TM7SF3: variants seen among roughly 807,000 people sequenced by gnomAD.
TM7SF3 encodes transmembrane 7 superfamily member 3, also known as seven span transmembrane protein.
A neutral mutation model predicts 65.5 loss-of-function variants in TM7SF3; 60 were observed. That is an observed-to-expected ratio of 0.92 (90% CI 0.74 to 1.14). TM7SF3 has a LOEUF of 1.14. Among genes scored for constraint, TM7SF3 ranks in the 50% most tolerant of loss-of-function variants. TM7SF3 has a pLI of 0.00. For missense variants in TM7SF3, 623 were observed against 684.8 expected (o/e 0.91, Z 1.01); for synonymous variants, 264 against 259.6 (o/e 1.02, Z -0.16).
rs1939474312 is a variant in TM7SF3, at chr12:26,974,191, AC to A, written c.1486del (p.Val496Ter). On this transcript the variant is annotated frameshift_variant, in exon 12 of 12. Transcript: ENST00000343028. LOFTEE classifies it high-confidence loss of function. The stretch of plus-strand genomic sequence containing the variant: ...TCGAATCTGTAACGTAATTCCACTT[AC>A]AGCCAGCATGCCCCATACTGCCAGG... ...IILAVWGMLA[V>X]SGITLQIRRE... is the part of the protein sequence containing the mutation. 1.2e-6 allele frequency: 2 copies of A among 1,614,196 alleles called. No homozygotes were observed. Among genetic ancestry groups the A allele is most frequent in the Non-Finnish European group, 1.7e-6 (2 of 1,180,028 alleles).
At chr12:26,985,998 G>GTT (rs55959497) in intron 6 of TM7SF3, among the ~76,000 whole-genome samples, 3,125 of 142,636 alleles carry the variant, frequency 0.022, 117 homozygotes, top group African/African-American at 0.075. Context: ...GTTTTGTATT[G>GTT]TTTTTTTTTT....
intron 10 of TM7SF3, 35 bp from the exon 11 acceptor site, chr12:26,975,693 T>C: frequency 6.2e-7 from 1 of 1,607,356 alleles, no homozygotes; most frequent in Non-Finnish European, 8.5e-7. Flanking sequence ...GCATCATCCA[T>C]GTTAGAACAA....
chr12:26,992,446 A>G (rs887777558), intron 5 of TM7SF3, among the ~76,000 whole-genome samples: 2 of 151,934 alleles, frequency 1.3e-5, no homozygotes, highest in African/African-American at 2.4e-5. Flanking sequence ...CACTACGCCC[A>G]GCTAATTTTT....
At chr12:26,983,470 G>T in intron 6 of TM7SF3, 1 of 405,898 alleles carries the variant, frequency 2.5e-6, no homozygotes, top group Non-Finnish European at 5.1e-6. Flanking sequence ...TTTTTTAAGT[G>T]CTTATCTTTA....
intron 3 of TM7SF3, among the ~76,000 whole-genome samples, chr12:26,998,417 T>C (rs1047590952): frequency 6.6e-6 from 1 of 152,088 alleles, no homozygotes; most frequent in Non-Finnish European, 1.5e-5. Flanking sequence ...TGCATTTCCA[T>C]CCAAATGTCC....
intron 6 of TM7SF3, among the ~76,000 whole-genome samples, chr12:26,989,220 G>T (rs1293677496): frequency 5.3e-5 from 8 of 151,866 alleles, no homozygotes; most frequent in African/African-American, 1.7e-4. Flanking sequence ...TGGATCACTT[G>T]AGGCCAGGAG....
At chr12:26,990,022 C>T (rs1420503945) in intron 6 of TM7SF3, among the ~76,000 whole-genome samples, 3 of 152,294 alleles carry the variant, frequency 2.0e-5, no homozygotes, top group Non-Finnish European at 4.4e-5. Context: ...CAGTTCTTCA[C>T]ACCCTCAGAC....
chr12:26,992,905 C>CTT (rs1202323508), intron 5 of TM7SF3, among the ~76,000 whole-genome samples: 7,519 of 109,914 alleles, frequency 0.068, 464 homozygotes, highest in East Asian at 0.22. Flanking sequence ...TCCCTAATGT[C>CTT]TTTTTTTTTT....
At chr12:26,979,697 T>C in intron 9 of TM7SF3, 87 bp downstream of exon 9, 1 of 1,457,962 alleles carries the variant, frequency 6.9e-7, no homozygotes, top group Non-Finnish European at 9.4e-7. Context: ...AGCACTGACA[T>C]GCAACACCAC....
At position 26,979,824 on chromosome 12, in the gene TM7SF3, C is replaced by T. The variant is rs1368199058; in HGVS notation, c.1149G>A (p.Leu383=). 6.2e-7 allele frequency: 1 copy of T among 1,614,110 alleles called. No individual in the cohort carries two copies. The highest frequency in any genetic ancestry group is 8.5e-7 in the Non-Finnish European group (1 of 1,179,994). Reference sequence around the variant, plus strand: ...AAGTCACTGACGAGATGAGGAACCCCAGCACTAGTCCAACACAGAGCATGC... The same window carrying T: ...AAGTCACTGACGAGATGAGGAACCCTAGCACTAGTCCAACACAGAGCATGC... ...SICMLCVGLV[L]GFLISSVTFF... The change falls in exon 9 of 12, where the codon CTG becomes CTA. Residue 383 remains leucine (L), a synonymous_variant. Coordinates refer to ENST00000343028, the MANE Select transcript of TM7SF3 (RefSeq NM_016551.3).
chr12:26,987,781 C>T (rs1298404431), intron 6 of TM7SF3, among the ~76,000 whole-genome samples: 2 of 151,938 alleles, frequency 1.3e-5, no homozygotes, highest in Admixed American at 6.6e-5. Context: ...AAGTACCTCC[C>T]CTAAAGACAC....
chr12:27,011,260 G>A (rs1941234164), intron 1 of TM7SF3, among the ~76,000 whole-genome samples: 1 of 152,206 alleles, frequency 6.6e-6, no homozygotes, highest in South Asian at 2.1e-4. Flanking sequence ...TCAATAGCAA[G>A]AAGACTGAAA....
At chr12:27,006,130 TTTTC>T (rs945527275) in intron 1 of TM7SF3, among the ~76,000 whole-genome samples, 7 of 147,338 alleles carry the variant, frequency 4.8e-5, no homozygotes, top group African/African-American at 1.0e-4. Context: ...TTGTCCTTCT[TTTTC>T]TTTTTCTTTT....
At chr12:26,977,977 T>A (rs1385067587) in intron 9 of TM7SF3, 3 of 357,578 alleles carry the variant, frequency 8.4e-6, no homozygotes, top group South Asian at 2.1e-5. Context: ...ACACCTGTAG[T>A]CCCAGCTACT....
chr12:27,001,748 T>C (rs1357229265), intron 2 of TM7SF3, among the ~76,000 whole-genome samples: 1 of 152,236 alleles, frequency 6.6e-6, no homozygotes, highest in Non-Finnish European at 1.5e-5. Context: ...AACTCATCTA[T>C]GTGCCATTTT....
At chr12:26,999,941 A>C (rs751640872) in intron 2 of TM7SF3, 199 of 382,076 alleles carry the variant, frequency 5.2e-4, no homozygotes, top group Admixed American at 9.2e-4. Flanking sequence ...TATAAACAAC[A>C]GAAATTTATT....
chr12:26,996,594 T>C (rs1335522480), intron 4 of TM7SF3, 148 bp downstream of exon 4: 1 of 726,662 alleles, frequency 1.4e-6, no homozygotes, highest in Non-Finnish European at 2.2e-6. Context: ...CAAATATTAA[T>C]AGTGAAGTTT....
chr12:26,980,408 T>C, intron 8 of TM7SF3, 158 bp downstream of exon 8: 2 of 613,550 alleles, frequency 3.3e-6, no homozygotes, highest in Non-Finnish European at 5.7e-6. Flanking sequence ...TCTGAATGAG[T>C]AGTTCAGAAA....
chr12:27,014,239 A>T lies in TM7SF3; in HGVS notation c.-71T>A. The T allele has an allele frequency of 6.9e-7, 1 of 1,454,044 alleles. No individual in the cohort carries two copies. Among genetic ancestry groups the T allele is most frequent in the Non-Finnish European group, 9.3e-7 (1 of 1,078,150 alleles). The allele number at this position is 1,454,044 out of a possible 1,614,324, so 90.1% of individuals were successfully genotyped here. ...GCGGGCGTGCGCGCCGGGGCCCCGC[A>T]GCCTCGCCCACGCTATCCCGGGGCG... On this transcript the variant is annotated 5_prime_UTR_variant, in exon 1 of 12. Transcript: ENST00000343028.
Sources: gnomAD v4.1 joint callset for allele counts (sites outside exome capture counted in the v4.1 genomes callset) on GRCh38, gnomAD v4.1.1 for gene constraint, MANE v1.5 for transcripts, NCBI Gene and HGNC (gene_info 2026-07-23, HGNC 2026-07-21) for gene names.